Variants in KMO observed in about 807,000 individuals in gnomAD.
The protein encoded by KMO is kynurenine 3-monooxygenase, also known as kynurenine 3-hydroxylase.
In KMO, 24 loss-of-function variants were observed where a neutral mutation model predicts 57.8. The ratio of observed to expected loss-of-function variants is 0.42; its 90% CI spans 0.30 to 0.58. The LOEUF is 0.58. Ranked by LOEUF, KMO falls within the 20% of genes least tolerant of loss-of-function variation. The probability of loss-of-function intolerance (pLI) is 0.22; values close to 1 mark genes in which losing one functional copy is unlikely to be tolerated. For synonymous variants in KMO, 210 were observed against 193.6 expected (o/e 1.08, Z -0.70); for missense variants, 483 against 588.2 (o/e 0.82, Z 1.85).
chr1:241,547,992 TA>T (rs1661212172), intron 1 of KMO, among the ~76,000 whole-genome samples: 1 of 151,778 alleles, frequency 6.6e-6, no homozygotes, highest in Admixed American at 6.6e-5. Context: ...AAGAATCATA[TA>T]GAAACAAAAA....
intron 1 of KMO, among the ~76,000 whole-genome samples, chr1:241,535,527 T>C (rs1365104547): frequency 1.3e-5 from 2 of 152,168 alleles, no homozygotes; most frequent in East Asian, 1.9e-4. Flanking sequence ...GTTAAACCAG[T>C]TGATTTCCTT....
In KMO at chr1:241,564,841, C is replaced by T; in HGVS notation, c.616-146C>T. 5.3e-6 allele frequency: 3 copies of T among 570,340 alleles called. No individual in the cohort carries two copies. The South Asian group carries it at 7.0e-5, about 13-fold the overall frequency. 35.3% of individuals were successfully genotyped at this position (570,340 alleles called of 1,614,324 possible). A position where few individuals can be genotyped will look rare whatever the true frequency, so the allele number is the denominator to read the frequency against. ...GAACACAAAGTGTTTTCTAAGACAA[C>T]TTCTATTTTATGTAGCAATAGATGT... On this transcript the variant is annotated intron_variant, in intron 7 of 14. Coordinates refer to ENST00000366559, the MANE Select transcript of KMO (RefSeq NM_003679.5).
intron 4 of KMO, among the ~76,000 whole-genome samples, chr1:241,554,446 G>A (rs1661532894): frequency 6.6e-6 from 1 of 151,634 alleles, no homozygotes; most frequent in African/African-American, 2.4e-5. Flanking sequence ...GCTTGTTTTT[G>A]TATTTTTAGT....
At position 241,564,987 on chromosome 1, in the gene KMO, T is replaced by C. The variant is rs201577461; in HGVS notation, c.616T>C (p.Tyr206His). The change falls in exon 8 of 15, where the codon TAT (tyrosine) becomes CAT (histidine). Residue 206 changes from tyrosine to histidine, a missense_variant and splice_region_variant. Physicochemically the swap from Tyr to His is moderately conservative, Grantham distance 83. Transcript: ENST00000366559. ...CAATCATATATTCTTTTTTCTGCAG[T>C]ATGCCATGGAACCTAATTATCTGCA... ...ELTIPPKNGD[Y>H]AMEPNYLHIW... The C allele has an allele frequency of 4.8e-5, 77 of 1,593,446 alleles. No individual in the cohort carries two copies. Among genetic ancestry groups the C allele is most frequent in the Non-Finnish European group, 5.6e-5 (65 of 1,161,852 alleles).
rs575946353 is a variant in KMO at position 241,589,919 on chromosome 1, T to C, written c.1099-93T>C. The stretch of plus-strand genomic sequence containing the variant: ...TTATTTGACTACTTTGTGTTTGGCA[T>C]TGCGATGAGTGGGAATGAAGAATAA... On this transcript the variant is annotated intron_variant, in intron 12 of 14. Coordinates refer to ENST00000366559, the MANE Select transcript of KMO (RefSeq NM_003679.5). 4.1e-6 allele frequency: 4 copies of C among 975,780 alleles called. No homozygotes were observed. The African/African-American group carries it at 6.4e-5, about 16-fold the overall frequency. 60.4% of individuals were successfully genotyped at this position (975,780 alleles called of 1,614,324 possible). A position where few individuals can be genotyped will look rare whatever the true frequency, so the allele number is the denominator to read the frequency against.
intron 1 of KMO, among the ~76,000 whole-genome samples, chr1:241,547,018 T>A (rs1422719190): frequency 6.6e-6 from 1 of 152,158 alleles, no homozygotes; most frequent in Non-Finnish European, 1.5e-5. Context: ...TTAACGGTAT[T>A]GACTATTGTT....
intron 10 of KMO, among the ~76,000 whole-genome samples, chr1:241,585,096 G>A (rs768963448): frequency 1.2e-4 from 19 of 152,070 alleles, no homozygotes; most frequent in Non-Finnish European, 2.4e-4. Flanking sequence ...AGGTGTGGTG[G>A]TGGGTTCCTG....
chr1:241,577,403 GT>G (rs1258290015), intron 10 of KMO, among the ~76,000 whole-genome samples: 15 of 151,984 alleles, frequency 9.9e-5, no homozygotes, highest in African/African-American at 2.9e-4. Flanking sequence ...ATTCAACTGT[GT>G]TTTTCTTTAA....
At chr1:241,540,906 T>C (rs925150664) in intron 1 of KMO, among the ~76,000 whole-genome samples, 2 of 151,674 alleles carry the variant, frequency 1.3e-5, no homozygotes, top group Non-Finnish European at 2.9e-5. Context: ...TCTACAAAAA[T>C]TAAAAAAATT....
chr1:241,592,057 AC>A lies in KMO; in HGVS notation c.1367del (p.Pro456HisfsTer5). On this transcript the variant is annotated frameshift_variant, in exon 15 of 15. Coordinates refer to ENST00000366559, the MANE Select transcript of KMO (RefSeq NM_003679.5). LOFTEE classifies it low-confidence loss of function (END_TRUNC). Reference sequence around the variant, plus strand: ...CACGATCTTTCCTCCGCTTGAGAAGACCATGGAACTGGATAGCTCACTTCCG... The same window carrying A: ...CACGATCTTTCCTCCGCTTGAGAAGACATGGAACTGGATAGCTCACTTCCG... ...SPRSFLRLRR[P>X]WNWIAHFRNT... 2 of 1,614,034 alleles carry A rather than the reference AC, an allele frequency of 1.2e-6. No homozygotes were observed. Among genetic ancestry groups the A allele is most frequent in the South Asian group, 2.2e-5 (2 of 91,082 alleles).
chr1:241,586,881 A>C, intron 11 of KMO, 145 bp downstream of exon 11: 1 of 620,226 alleles, frequency 1.6e-6, no homozygotes, highest in South Asian at 2.3e-5. Flanking sequence ...CTAATAGTCT[A>C]TGCCACCGTT....
intron 4 of KMO, among the ~76,000 whole-genome samples, chr1:241,554,578 T>A (rs1305491405): frequency 6.6e-6 from 1 of 151,750 alleles, no homozygotes; most frequent in Non-Finnish European, 1.5e-5. Flanking sequence ...CTGGCCACTT[T>A]TTTCCTCCTG....
In KMO at chr1:241,594,657, C is replaced by T. The variant is rs749835501; in HGVS notation, c.*2504C>T. 2.3e-5 allele frequency: 37 copies of T among 1,613,862 alleles called. 1 individual carries two copies. The highest frequency in any genetic ancestry group is 1.8e-4 in the South Asian group (16 of 91,042). The stretch of plus-strand genomic sequence containing the variant: ...AGCAGGCCTCTGGCACCTCAGCAGT[C>T]GGAGGCACAGAAGCTGCAAAAGGGA... On this transcript the variant is annotated 3_prime_UTR_variant, in exon 15 of 15. Coordinates refer to ENST00000366559, the MANE Select transcript of KMO (RefSeq NM_003679.5).
At position 241,565,078 on chromosome 1, in the gene KMO, CA is replaced by C; in HGVS notation, c.687+22del. On this transcript the variant is annotated intron_variant, in intron 8 of 14. Transcript: ENST00000366559. ...AACATGGTAGTATAGAATTTTTTAT[CA>C]ACTGTAATTTTGCATTTGTAATTAA... The C allele has an allele frequency of 7.0e-7, 1 of 1,420,286 alleles. No homozygotes were observed. Among genetic ancestry groups the C allele is most frequent in the Non-Finnish European group, 9.9e-7 (1 of 1,006,604 alleles). 88.0% of individuals were successfully genotyped at this position (1,420,286 alleles called of 1,614,324 possible).
Position 241,541,898 on chromosome 1 carries a change from A to G in KMO, c.55-6931A>G, listed in dbSNP as rs561080259. ...AACAAGCTTTTTAAAAGTTAGATAG[A>G]CAGAAAACTCAGAAACATTCATGAT... On this transcript the variant is annotated intron_variant, in intron 1 of 14. Transcript: ENST00000366559. 2.7e-5 allele frequency among the ~76,000 whole-genome samples: 4 copies of G among 148,628 alleles called. No individual in the cohort carries two copies. In the South Asian group the frequency reaches 8.3e-4, roughly 31 times the overall value.
intron 12 of KMO, among the ~76,000 whole-genome samples, chr1:241,589,589 A>G (rs1402978357): frequency 3.9e-5 from 6 of 152,214 alleles, no homozygotes; most frequent in African/African-American, 1.4e-4. Context: ...GCTACGACAC[A>G]GTATCTGTCC....
intron 1 of KMO, among the ~76,000 whole-genome samples, chr1:241,544,920 G>A (rs1335900): frequency 0.31 from 46,384 of 151,996 alleles, 7,953 homozygotes; most frequent in Non-Finnish European, 0.39. Flanking sequence ...TTTAATGTAA[G>A]AAGTGGGCCT....
rs767498478 is a variant in KMO, at chr1:241,562,281, G to A, written c.564G>A (p.Gln188=). ...AACCTCGCTTTGATTACAGTCAGCA[G>A]TACATTCCTCATGGGTACATGGAGT... The part of the protein sequence containing the change: ...MKKPRFDYSQ[Q]YIPHGYMELT... The change falls in exon 7 of 15, where the codon CAG becomes CAA. Residue 188 remains glutamine (Q), a synonymous_variant. Coordinates refer to ENST00000366559, the MANE Select transcript of KMO (RefSeq NM_003679.5). The A allele has an allele frequency of 1.2e-6, 2 of 1,614,144 alleles. No homozygotes were observed. Among genetic ancestry groups the A allele is most frequent in the East Asian group, 2.2e-5 (1 of 44,882 alleles).
At position 241,549,863 on chromosome 1, in the gene KMO, A is replaced by G. The variant is rs74773472; in HGVS notation, c.222+89A>G. 8,033 of 797,116 alleles carry G rather than the reference A, an allele frequency of 0.01. 470 individuals are homozygous for G. In the African/African-American group the frequency reaches 0.12, roughly 12 times the overall value. 49.4% of individuals were successfully genotyped at this position (797,116 alleles called of 1,614,324 possible). A position where few individuals can be genotyped will look rare whatever the true frequency, so the allele number is the denominator to read the frequency against. On this transcript the variant is annotated intron_variant, in intron 3 of 14. Transcript: ENST00000366559. ...ATTTCATCCTGGCTTAAAAAGTACC[A>G]TTTAATACCAAGAATCTCTGCATGA...
Sources: allele counts gnomAD v4.1 joint callset (sites outside exome capture counted in the v4.1 genomes callset), GRCh38; gene constraint gnomAD v4.1.1; transcripts MANE v1.5; gene names NCBI Gene and HGNC (gene_info 2026-07-23, HGNC 2026-07-21).